DMD: variants seen among roughly 807,000 people sequenced by gnomAD.
DMD encodes the protein dystrophin.
A neutral mutation model predicts 330.1 loss-of-function variants in DMD; 63 were observed. The observed-to-expected ratio is 0.19, with a 90% confidence interval of 0.16 to 0.24. The LOEUF (loss-of-function observed/expected upper bound fraction) is 0.24, where lower values mean the gene tolerates loss of function less well. Ranked by LOEUF, DMD falls within the 10% of genes least tolerant of loss-of-function variation. DMD has a pLI of 1.00. For synonymous variants in DMD, 1,223 were observed against 959.8 expected (o/e 1.27, Z -5.07); for missense variants, 3,344 against 2,684.1 (o/e 1.25, Z -5.43).
intron 52 of DMD, among the ~76,000 whole-genome samples, chrX:31,703,518 T>A (rs1430753889): frequency 8.9e-6 from 1 of 112,267 alleles, no homozygotes; most frequent in Non-Finnish European, 1.9e-5. Flanking sequence ...ATCAAAGCCT[T>A]GTTTACGTGC....
At chrX:32,468,351 T>C (rs982730794) in intron 23 of DMD, 147 bp downstream of exon 23, 5 of 491,580 alleles carry the variant, frequency 1.0e-5, no homozygotes, top group Non-Finnish European at 1.7e-5. Flanking sequence ...CGCCATCCTT[T>C]GTAAAAGACT....
chrX:31,783,693 A>C (rs1038767619), intron 50 of DMD, among the ~76,000 whole-genome samples: 2 of 111,217 alleles, frequency 1.8e-5, no homozygotes, highest in African/African-American at 6.5e-5. Context: ...ATGTATATAT[A>C]GTCTAAATAT....
chrX:31,604,891 G>A (rs779335378), intron 55 of DMD, among the ~76,000 whole-genome samples: 7 of 111,678 alleles, frequency 6.3e-5, no homozygotes, highest in East Asian at 2.8e-4. Context: ...ATTTTGCTTC[G>A]GAGGAAATCA....
intron 55 of DMD, among the ~76,000 whole-genome samples, chrX:31,625,749 A>G (rs569621397): frequency 1.8e-5 from 2 of 111,825 alleles, no homozygotes; most frequent in African/African-American, 6.5e-5. Flanking sequence ...TTTTCATTAT[A>G]TAATACAGCA....
chrX:33,311,144 A>G (rs1370525767), intron 1 of DMD, among the ~76,000 whole-genome samples: 1 of 110,116 alleles, frequency 9.1e-6, no homozygotes, highest in Non-Finnish European at 1.9e-5. Flanking sequence ...CATACTTCAT[A>G]CTGTATATAC....
intron 2 of DMD, among the ~76,000 whole-genome samples, chrX:32,969,993 G>A (rs1194198312): frequency 1.5e-4 from 14 of 95,052 alleles, no homozygotes; most frequent in Non-Finnish European, 2.6e-4. Flanking sequence ...AATTTTGAAA[G>A]ATAATGCCAA....
intron 1 of DMD, among the ~76,000 whole-genome samples, chrX:33,118,142 G>T (rs1025045112): frequency 1.0e-5 from 1 of 95,596 alleles, no homozygotes; most frequent in East Asian, 3.3e-4. Context: ...ACGGAGTCTC[G>T]CTCTGTCGCC....
At chrX:31,847,432 G>T (rs990206681) in intron 48 of DMD, among the ~76,000 whole-genome samples, 6 of 111,369 alleles carry the variant, frequency 5.4e-5, no homozygotes, top group Non-Finnish European at 9.5e-5. Context: ...ACATTTATTT[G>T]CAGGTTGAAT....
intron 59 of DMD, among the ~76,000 whole-genome samples, chrX:31,448,601 T>C (rs1397144353): frequency 1.8e-5 from 2 of 112,627 alleles, no homozygotes; most frequent in African/African-American, 6.5e-5. Context: ...AAAGCACAGT[T>C]AACGCTGAGC....
intron 37 of DMD, among the ~76,000 whole-genome samples, chrX:32,358,245 G>C (rs776501626): frequency 9.0e-5 from 10 of 110,928 alleles, no homozygotes; most frequent in African/African-American, 3.3e-4. Flanking sequence ...GGGTAGAACT[G>C]TCATAATTAA....
chrX:31,975,314 C>G (rs1044479225), intron 44 of DMD, among the ~76,000 whole-genome samples: 1 of 111,745 alleles, frequency 8.9e-6, no homozygotes, highest in Non-Finnish European at 1.9e-5. Flanking sequence ...TTACAAAGTA[C>G]AGAACAGAAC....
intron 1 of DMD, among the ~76,000 whole-genome samples, chrX:33,337,466 A>G (rs5928239): frequency 0.29 from 32,106 of 110,685 alleles, 4,245 homozygotes; most frequent in African/African-American, 0.5. Context: ...AACACACTAT[A>G]CAAAAGCATC....
chrX:32,055,041 C>T (rs2096157745), intron 44 of DMD, among the ~76,000 whole-genome samples: 1 of 111,727 alleles, frequency 9.0e-6, no homozygotes, highest in Admixed American at 9.5e-5. Flanking sequence ...GGTGAAAATG[C>T]TGCTGTTTAA....
intron 7 of DMD, among the ~76,000 whole-genome samples, chrX:32,717,398 C>T (rs887799235): frequency 9.0e-6 from 1 of 111,622 alleles, no homozygotes; most frequent in African/African-American, 3.3e-5. Flanking sequence ...GGGTGCAAGC[C>T]ATAAGCATTG....
chrX:32,643,826 C>A (rs1305138508), intron 11 of DMD, among the ~76,000 whole-genome samples: 1 of 111,445 alleles, frequency 9.0e-6, no homozygotes, highest in Non-Finnish European at 1.9e-5. Flanking sequence ...TGCTTCTGTG[C>A]CTTTTATAGT....
intron 15 of DMD, among the ~76,000 whole-genome samples, chrX:32,568,073 TTA>T (rs1227546907): frequency 8.9e-6 from 1 of 112,134 alleles, no homozygotes; most frequent in East Asian, 2.8e-4. Flanking sequence ...AGTGTGAGAA[TTA>T]TGTTTAAAGA....
chrX:33,146,997 AT>A (rs1323444380), intron 1 of DMD, among the ~76,000 whole-genome samples: 1 of 108,928 alleles, frequency 9.2e-6, no homozygotes, highest in Non-Finnish European at 1.9e-5. Flanking sequence ...TAATTTTTTT[AT>A]TTTTTAGTAG....
At position 31,194,305 on chromosome X, in the gene DMD, T is replaced by C. The variant is rs890130859; in HGVS notation, c.9807+9656A>G. ...AGATGCTGGAAGAAAACAGTGGCTA[T>C]AAGGAACAATTCTGGGGCACTGGGG... On this transcript the variant is annotated intron_variant, in intron 67 of 78. Coordinates refer to ENST00000357033, the MANE Select transcript of DMD (RefSeq NM_004006.3). Among the ~76,000 whole-genome samples, 15 of 112,418 alleles carry C rather than the reference T, an allele frequency of 1.3e-4. No individual in the cohort carries two copies. In the Admixed American group the frequency reaches 1.4e-3, roughly 11 times the overall value.
At position 33,138,026 on chromosome X, in the gene DMD, T is replaced by A. The variant is rs1197684015; in HGVS notation, c.31+73256A>T. On this transcript the variant is annotated intron_variant, in intron 1 of 78. Coordinates refer to ENST00000357033, the MANE Select transcript of DMD (RefSeq NM_004006.3). ...CTCAGCAATCCTATGAGGTAGGTGC[T>A]ATTATTAACTCTATTTTTCAGATGA... Among the ~76,000 whole-genome samples, 3 of 111,279 alleles carry A rather than the reference T, an allele frequency of 2.7e-5. No homozygotes were observed. The South Asian group carries it at 1.2e-3, about 43-fold the overall frequency.
Sources: allele counts gnomAD v4.1 joint callset (sites outside exome capture counted in the v4.1 genomes callset), GRCh38; gene constraint gnomAD v4.1.1; transcripts MANE v1.5; gene names NCBI Gene and HGNC (gene_info 2026-07-23, HGNC 2026-07-21).